SGCG: variants seen among roughly 807,000 people sequenced by gnomAD.
The protein encoded by SGCG is gamma-sarcoglycan.
SGCG carries 26 observed loss-of-function variants against 29.3 expected under a neutral mutation model. The observed-to-expected ratio is 0.89, with a 90% CI of 0.65 to 1.23. SGCG has a LOEUF of 1.23. Among genes scored for constraint, SGCG ranks in the 50% most tolerant of loss-of-function variants. The pLI is 0.00. For missense variants in SGCG, 353 were observed against 356.0 expected (o/e 0.99, Z 0.07); for synonymous variants, 145 against 129.7 (o/e 1.12, Z -0.80).
chr13:23,227,203 A>G (rs577183211), intron 2 of SGCG, among the ~76,000 whole-genome samples: 4 of 152,160 alleles, frequency 2.6e-5, no homozygotes, highest in African/African-American at 9.6e-5. Flanking sequence ...GTGGTAGGTG[A>G]GCAATCTTTT....
chr13:23,223,646 G>T (rs1878773778), intron 2 of SGCG, among the ~76,000 whole-genome samples: 1 of 152,062 alleles, frequency 6.6e-6, no homozygotes. Context: ...TTATGGTTTT[G>T]CCTCACATAT....
chr13:23,250,486 G>T (rs917184796), intron 3 of SGCG, 144 bp from the exon 4 acceptor site: 1 of 622,242 alleles, frequency 1.6e-6, no homozygotes, highest in South Asian at 1.9e-5. Flanking sequence ...ATTTTTAATT[G>T]TCTTAGCCAC....
intron 7 of SGCG, among the ~76,000 whole-genome samples, chr13:23,322,132 G>T (rs959129259): frequency 6.6e-6 from 1 of 152,208 alleles, no homozygotes; most frequent in South Asian, 2.1e-4. Context: ...ACTGCTGCAA[G>T]AATTGTCTTG....
intron 1 of SGCG, among the ~76,000 whole-genome samples, chr13:23,186,607 G>A (rs369292297): frequency 1.3e-5 from 2 of 152,178 alleles, no homozygotes; most frequent in Non-Finnish European, 2.9e-5. Flanking sequence ...CGCCATAATG[G>A]TCATTGATTT....
upstream of SGCG, among the ~76,000 whole-genome samples, chr13:23,177,606 C>T (rs1218918231): frequency 8.6e-6 from 1 of 116,378 alleles, no homozygotes; most frequent in Non-Finnish European, 1.6e-5. Flanking sequence ...GAGTCTTGCT[C>T]TGTCACCCAG....
At chr13:23,319,126 C>T (rs1256760664) in intron 6 of SGCG, among the ~76,000 whole-genome samples, 1 of 152,082 alleles carries the variant, frequency 6.6e-6, no homozygotes, top group Non-Finnish European at 1.5e-5. Flanking sequence ...GGTGAAATCC[C>T]GTCTCTACTA....
intron 5 of SGCG, among the ~76,000 whole-genome samples, chr13:23,279,797 G>A (rs189840001): frequency 1.1e-4 from 17 of 149,150 alleles, no homozygotes; most frequent in South Asian, 4.4e-4. Context: ...GCACAATCTC[G>A]GCTCACTGCA....
chr13:23,316,575 C>T (rs1037362955), intron 6 of SGCG, among the ~76,000 whole-genome samples: 1 of 152,188 alleles, frequency 6.6e-6, no homozygotes, highest in African/African-American at 2.4e-5. Flanking sequence ...GCCGTGTATG[C>T]TCTGAATCAG....
At chr13:23,290,487 T>G (rs192586483) in intron 5 of SGCG, among the ~76,000 whole-genome samples, 12 of 152,324 alleles carry the variant, frequency 7.9e-5, no homozygotes, top group African/African-American at 2.6e-4. Context: ...CCAGGAGAGA[T>G]GACAGAAATT....
intron 2 of SGCG, among the ~76,000 whole-genome samples, chr13:23,234,343 T>C (rs1411242257): frequency 6.6e-6 from 1 of 152,180 alleles, no homozygotes. Context: ...AAATGGATTC[T>C]TTTTCTTACA....
chr13:23,247,631 A>G (rs1879766086), intron 3 of SGCG, among the ~76,000 whole-genome samples: 1 of 152,098 alleles, frequency 6.6e-6, no homozygotes, highest in African/African-American at 2.4e-5. Context: ...ATATTCGTAT[A>G]TTATAGGAAT....
At chr13:23,160,774 C>A in the SGCG span, among the ~76,000 whole-genome samples, 1 of 152,164 alleles carries the variant, frequency 6.6e-6, no homozygotes, top group Non-Finnish European at 1.5e-5. Flanking sequence ...TTCCAGCCTT[C>A]CTCCTAGGAC....
At chr13:23,202,969 C>CT (rs1252613310) in intron 1 of SGCG, among the ~76,000 whole-genome samples, 2 of 151,334 alleles carry the variant, frequency 1.3e-5, no homozygotes, top group African/African-American at 4.8e-5. Context: ...TTTTCTTTTT[C>CT]TTTTTTTTGA....
intron 5 of SGCG, among the ~76,000 whole-genome samples, chr13:23,285,475 T>A (rs1881462603): frequency 6.6e-6 from 1 of 152,184 alleles, no homozygotes; most frequent in South Asian, 2.1e-4. Flanking sequence ...AGCCCAAGTG[T>A]CCCAGGTCAA....
intron 3 of SGCG, among the ~76,000 whole-genome samples, chr13:23,238,888 G>A (rs926856811): frequency 6.6e-6 from 1 of 152,036 alleles, no homozygotes; most frequent in African/African-American, 2.4e-5. Flanking sequence ...GGAGCACAGA[G>A]AAAAATGACT....
At chr13:23,253,075 T>G (rs927785421) in intron 4 of SGCG, among the ~76,000 whole-genome samples, 11 of 151,860 alleles carry the variant, frequency 7.2e-5, no homozygotes, top group Non-Finnish European at 1.6e-4. Context: ...AGGTTTTGTT[T>G]TGTTTAGTTT....
intron 5 of SGCG, among the ~76,000 whole-genome samples, chr13:23,294,116 C>T (rs1011350125): frequency 6.6e-6 from 1 of 152,168 alleles, no homozygotes; most frequent in Non-Finnish European, 1.5e-5. Flanking sequence ...CCTGAGATTC[C>T]TGTGGAACCA....
At chr13:23,259,892 C>T (rs897689771) in intron 4 of SGCG, among the ~76,000 whole-genome samples, 14 of 152,190 alleles carry the variant, frequency 9.2e-5, no homozygotes, top group African/African-American at 3.4e-4. Context: ...AATTTGATTG[C>T]ACTGTGGTCT....
chr13:23,259,747 T>C (rs1880352713), intron 4 of SGCG, among the ~76,000 whole-genome samples: 1 of 152,230 alleles, frequency 6.6e-6, no homozygotes, highest in Non-Finnish European at 1.5e-5. Flanking sequence ...CATTGTGTCT[T>C]TGTTCTCATT....
Sources: gnomAD v4.1 joint callset for allele counts (sites outside exome capture counted in the v4.1 genomes callset) on GRCh38, gnomAD v4.1.1 for gene constraint, MANE v1.5 for transcripts, NCBI Gene and HGNC (gene_info 2026-07-23, HGNC 2026-07-21) for gene names.